ASIC2: variants seen among roughly 807,000 people sequenced by gnomAD.
ASIC2 encodes the protein acid-sensing ion channel 2.
A neutral mutation model predicts 57.3 loss-of-function variants in ASIC2; 25 were observed. The observed-to-expected ratio is 0.44, with a 90% CI of 0.32 to 0.61. ASIC2 has a LOEUF of 0.61. ASIC2 is among the 20% of genes least tolerant of loss of function. ASIC2 has a pLI of 0.06. For missense variants in ASIC2, 641 were observed against 738.1 expected, an observed-to-expected ratio of 0.87 and a Z score of 1.52; for synonymous variants, 319 against 307.5, an observed-to-expected ratio of 1.04 and a Z score of -0.39.
chr17:34,118,123 C>T (rs950167632), intron 1 of ASIC2, among the ~76,000 whole-genome samples: 3 of 152,142 alleles, frequency 2.0e-5, no homozygotes, highest in Admixed American at 6.6e-5. Flanking sequence ...GATCAGGCAG[C>T]CATGGGTTTA....
chr17:33,431,803 A>G (rs1303931042), intron 1 of ASIC2, among the ~76,000 whole-genome samples: 1 of 152,154 alleles, frequency 6.6e-6, no homozygotes, highest in East Asian at 1.9e-4. Flanking sequence ...ACACAAAATC[A>G]TCATAAGAAC....
chr17:33,293,506 A>G (rs1905596990), upstream of ASIC2, among the ~76,000 whole-genome samples: 1 of 152,242 alleles, frequency 6.6e-6, no homozygotes, highest in African/African-American at 2.4e-5. Context: ...GCTCAGGTGT[A>G]TGGGCTTGTG....
chr17:33,907,529 A>C (rs1181255576), intron 1 of ASIC2, among the ~76,000 whole-genome samples: 1 of 151,994 alleles, frequency 6.6e-6, no homozygotes, highest in Non-Finnish European at 1.5e-5. Flanking sequence ...GTGACCCATT[A>C]CTCATTCTCC....
At chr17:33,674,814 T>C (rs929350211) in intron 1 of ASIC2, among the ~76,000 whole-genome samples, 6 of 152,230 alleles carry the variant, frequency 3.9e-5, no homozygotes, top group African/African-American at 1.4e-4. Context: ...GAATGTAGTG[T>C]AGCACAAAGA....
At chr17:33,192,320 T>C (rs928234438) in intron 1 of ASIC2, among the ~76,000 whole-genome samples, 4 of 151,860 alleles carry the variant, frequency 2.6e-5, no homozygotes, top group African/African-American at 9.7e-5. Context: ...GAGGCAGAGG[T>C]TGCAGTGGGC....
At chr17:33,447,912 C>CAAAAAAA (rs34092157) in intron 1 of ASIC2, among the ~76,000 whole-genome samples, 10 of 73,022 alleles carry the variant, frequency 1.4e-4, no homozygotes, top group Admixed American at 1.5e-4. Context: ...GACTCAGTCT[C>CAAAAAAA]AAAAAAAAAA....
intron 1 of ASIC2, among the ~76,000 whole-genome samples, chr17:33,197,723 G>A (rs933582912): frequency 2.6e-5 from 4 of 152,200 alleles, no homozygotes; most frequent in Admixed American, 2.6e-4. Flanking sequence ...TAAAATAGAA[G>A]GACAATTCGG....
intron 3 of ASIC2, among the ~76,000 whole-genome samples, chr17:33,034,762 G>A (rs190306553): frequency 4.6e-5 from 7 of 152,062 alleles, no homozygotes; most frequent in South Asian, 2.1e-4. Context: ...TTTTCTCTCG[G>A]TCTTTGCTTC....
intron 3 of ASIC2, among the ~76,000 whole-genome samples, chr17:33,044,503 G>A (rs2091943722): frequency 6.6e-6 from 1 of 152,132 alleles, no homozygotes; most frequent in Admixed American, 6.6e-5. Flanking sequence ...CTCCCAAGTA[G>A]CTGAGATTAC....
At chr17:33,145,134 T>C (rs538893093) in intron 1 of ASIC2, among the ~76,000 whole-genome samples, 7 of 152,360 alleles carry the variant, frequency 4.6e-5, no homozygotes, top group African/African-American at 1.7e-4. Context: ...TCTTCTTTGA[T>C]GGTGGGGCCA....
chr17:33,613,140 T>C (rs1025655946), intron 1 of ASIC2, among the ~76,000 whole-genome samples: 2 of 152,164 alleles, frequency 1.3e-5, no homozygotes, highest in Non-Finnish European at 2.9e-5. Flanking sequence ...TTTTAGTATA[T>C]AGAGATAGAA....
intron 1 of ASIC2, among the ~76,000 whole-genome samples, chr17:33,679,726 C>A (rs1907939946): frequency 6.6e-6 from 1 of 152,086 alleles, no homozygotes; most frequent in Non-Finnish European, 1.5e-5. Flanking sequence ...GAAGAGCAGG[C>A]CAGGCGAAGG....
At chr17:33,462,722 G>A (rs1456495126) in intron 1 of ASIC2, among the ~76,000 whole-genome samples, 1 of 152,208 alleles carries the variant, frequency 6.6e-6, no homozygotes, top group Non-Finnish European at 1.5e-5. Flanking sequence ...TAAGTAGTTG[G>A]TGGTCACCCT....
intron 1 of ASIC2, among the ~76,000 whole-genome samples, chr17:33,254,200 G>A (rs1908978784): frequency 6.6e-6 from 1 of 152,162 alleles, no homozygotes; most frequent in Non-Finnish European, 1.5e-5. Context: ...GGAGAGCTGG[G>A]TGGATTTTTA....
At chr17:34,108,900 T>C (rs1567825213) in intron 1 of ASIC2, among the ~76,000 whole-genome samples, 1 of 152,138 alleles carries the variant, frequency 6.6e-6, no homozygotes, top group Non-Finnish European at 1.5e-5. Flanking sequence ...TAATACTCTT[T>C]ATCTTGAAAT....
intron 1 of ASIC2, among the ~76,000 whole-genome samples, chr17:33,900,323 T>A (rs1433995560): frequency 2.0e-5 from 3 of 152,168 alleles, no homozygotes; most frequent in African/African-American, 7.2e-5. Context: ...TTAGTGGTTT[T>A]GCCTTCTTGT....
At chr17:33,043,333 G>T (rs1372892451) in intron 3 of ASIC2, among the ~76,000 whole-genome samples, 2 of 152,238 alleles carry the variant, frequency 1.3e-5, no homozygotes, top group Non-Finnish European at 2.9e-5. Context: ...TACTGGCTGG[G>T]GGTCAGGGGA....
chr17:33,996,729 T>C (rs1332627356), intron 1 of ASIC2, among the ~76,000 whole-genome samples: 1 of 152,340 alleles, frequency 6.6e-6, no homozygotes, highest in East Asian at 1.9e-4. Context: ...TTGTTTTAAT[T>C]TCAATACTGT....
At chr17:33,749,471 T>A (rs543456431) in intron 1 of ASIC2, among the ~76,000 whole-genome samples, 1 of 152,194 alleles carries the variant, frequency 6.6e-6, no homozygotes, top group South Asian at 2.1e-4. Context: ...CCTCTACTCC[T>A]GTGGGCCTGG....
Sources: gnomAD v4.1 joint callset for allele counts (sites outside exome capture counted in the v4.1 genomes callset) on GRCh38, gnomAD v4.1.1 for gene constraint, MANE v1.5 for transcripts, NCBI Gene and HGNC (gene_info 2026-07-23, HGNC 2026-07-21) for gene names.